Variants in ZHX2 observed in about 807,000 individuals in gnomAD.
The protein encoded by ZHX2 is zinc fingers and homeoboxes 2.
A neutral mutation model predicts 21.9 loss-of-function variants in ZHX2; 6 were observed. The ratio of observed to expected loss-of-function variants is 0.27; its 90% CI spans 0.15 to 0.54. ZHX2 has a LOEUF of 0.54. ZHX2 is among the 20% of genes least tolerant of loss of function. The pLI is 0.95. For missense variants in ZHX2, 908 were observed against 1,090.7 expected, an observed-to-expected ratio of 0.83 and a Z score of 2.36; for synonymous variants, 434 against 437.1, an observed-to-expected ratio of 0.99 and a Z score of 0.09.
chr8:122,888,544 C>T (rs185657620), intron 2 of ZHX2, among the ~76,000 whole-genome samples: 1 of 152,062 alleles, frequency 6.6e-6, no homozygotes, highest in African/African-American at 2.4e-5. Context: ...TGCAGTGGTG[C>T]GATCTTGGCT....
intron 2 of ZHX2, among the ~76,000 whole-genome samples, chr8:122,922,206 C>A (rs915276343): frequency 1.3e-5 from 2 of 151,422 alleles, no homozygotes; most frequent in African/African-American, 4.9e-5. Context: ...TAGACTTCTC[C>A]CAGCAAAGCA....
At chr8:122,785,818 G>T (rs1448970860) in intron 1 of ZHX2, among the ~76,000 whole-genome samples, 6 of 152,194 alleles carry the variant, frequency 3.9e-5, no homozygotes, top group African/African-American at 1.4e-4. Flanking sequence ...TGTGCAAAGA[G>T]ATGATGCCAG....
chr8:122,801,585 C>CAA (rs34318877), intron 1 of ZHX2, among the ~76,000 whole-genome samples: 8 of 124,790 alleles, frequency 6.4e-5, no homozygotes, highest in Non-Finnish European at 1.0e-4. Context: ...GCCATCTCTA[C>CAA]AAAAAAAAAA....
At chr8:122,824,588 G>A (rs1031565921) in intron 1 of ZHX2, among the ~76,000 whole-genome samples, 1 of 152,190 alleles carries the variant, frequency 6.6e-6, no homozygotes, top group Non-Finnish European at 1.5e-5. Context: ...ATCCAGCCCA[G>A]TGCTTATGTT....
chr8:122,837,801 C>T (rs750194521), intron 1 of ZHX2, among the ~76,000 whole-genome samples: 6 of 152,122 alleles, frequency 3.9e-5, no homozygotes, highest in Non-Finnish European at 5.9e-5. Flanking sequence ...CTGTCTTTGT[C>T]GGTGCTTAAT....
chr8:122,945,575 G>A (rs1016132010), intron 2 of ZHX2, among the ~76,000 whole-genome samples: 3 of 151,890 alleles, frequency 2.0e-5, no homozygotes, highest in Non-Finnish European at 2.9e-5. Flanking sequence ...AAACTGAGTC[G>A]AGATCAAAAA....
chr8:122,913,628 C>A (rs1347824027), intron 2 of ZHX2, among the ~76,000 whole-genome samples: 1 of 152,168 alleles, frequency 6.6e-6, no homozygotes, highest in South Asian at 2.1e-4. Flanking sequence ...CAGGGACAGG[C>A]AAAGAACAAA....
At chr8:122,948,819 T>C (rs983998252) in intron 2 of ZHX2, among the ~76,000 whole-genome samples, 4 of 152,172 alleles carry the variant, frequency 2.6e-5, no homozygotes, top group African/African-American at 9.7e-5. Flanking sequence ...ATAAATTCAA[T>C]ACCAGATGAG....
At chr8:122,824,888 G>A (rs1178254435) in intron 1 of ZHX2, among the ~76,000 whole-genome samples, 1 of 152,164 alleles carries the variant, frequency 6.6e-6, no homozygotes, top group African/African-American at 2.4e-5. Context: ...CCAGTTTCCA[G>A]AGGCTGCCCA....
At chr8:122,930,231 A>T (rs1292195615) in intron 2 of ZHX2, among the ~76,000 whole-genome samples, 1 of 152,232 alleles carries the variant, frequency 6.6e-6, no homozygotes, top group Non-Finnish European at 1.5e-5. Context: ...CCCAAGGGAT[A>T]CTTATTACCA....
chr8:122,963,821 C>T (rs1435476640), intron 3 of ZHX2, among the ~76,000 whole-genome samples: 1 of 151,142 alleles, frequency 6.6e-6, no homozygotes, highest in African/African-American at 2.4e-5. Context: ...TATAATTTTC[C>T]TTGTAGAGAT....
chr8:122,876,244 T>C (rs919895704), intron 2 of ZHX2, among the ~76,000 whole-genome samples: 2 of 150,356 alleles, frequency 1.3e-5, no homozygotes, highest in African/African-American at 4.9e-5. Context: ...AGTGCCTGGG[T>C]CCTCCAAATT....
chr8:122,897,584 G>A (rs1328554639), intron 2 of ZHX2, among the ~76,000 whole-genome samples: 1 of 151,720 alleles, frequency 6.6e-6, no homozygotes, highest in Non-Finnish European at 1.5e-5. Context: ...GAGCAATTTA[G>A]TTTCCATTTA....
At chr8:122,806,278 C>G (rs1426919702) in intron 1 of ZHX2, among the ~76,000 whole-genome samples, 1 of 152,168 alleles carries the variant, frequency 6.6e-6, no homozygotes, top group Non-Finnish European at 1.5e-5. Flanking sequence ...GTTTTTCTAT[C>G]TGTAGAAATG....
chr8:122,966,512 T>C (rs1004597143), intron 3 of ZHX2, among the ~76,000 whole-genome samples: 1 of 152,228 alleles, frequency 6.6e-6, no homozygotes, highest in African/African-American at 2.4e-5. Flanking sequence ...GGGTTTCTAC[T>C]GAGAAATCTG....
At chr8:122,806,090 C>T (rs538681390) in intron 1 of ZHX2, among the ~76,000 whole-genome samples, 20 of 152,312 alleles carry the variant, frequency 1.3e-4, no homozygotes, top group South Asian at 1.0e-3. Flanking sequence ...TTAATCATCA[C>T]GCACACACAT....
At chr8:122,957,722 C>T (rs1813345136) in intron 3 of ZHX2, among the ~76,000 whole-genome samples, 2 of 152,164 alleles carry the variant, frequency 1.3e-5, no homozygotes, top group Admixed American at 1.3e-4. Flanking sequence ...CCATCTGCCT[C>T]AGCCTCCCAA....
At chr8:122,919,148 C>T (rs1820676697) in intron 2 of ZHX2, among the ~76,000 whole-genome samples, 1 of 152,174 alleles carries the variant, frequency 6.6e-6, no homozygotes, top group Admixed American at 6.5e-5. Flanking sequence ...ATCAGCACAG[C>T]ACTTGCTAAT....
chr8:122,843,335 C>T (rs771032921), intron 1 of ZHX2, among the ~76,000 whole-genome samples: 2 of 152,180 alleles, frequency 1.3e-5, no homozygotes, highest in African/African-American at 2.4e-5. Context: ...TAGAGCAAAA[C>T]GTGGGCTATT....
Sources: gnomAD v4.1 joint callset for allele counts (sites outside exome capture counted in the v4.1 genomes callset) on GRCh38, gnomAD v4.1.1 for gene constraint, MANE v1.5 for transcripts, NCBI Gene and HGNC (gene_info 2026-07-23, HGNC 2026-07-21) for gene names.